The following TPTE variants were observed in gnomAD, a reference collection of about 807,000 sequenced individuals.
TPTE encodes the protein putative tyrosine-protein phosphatase TPTE.
A neutral mutation model predicts 84.1 loss-of-function variants in TPTE; 59 were observed. That is an observed-to-expected ratio of 0.70 (90% confidence interval 0.57 to 0.87). The LOEUF (loss-of-function observed/expected upper bound fraction) is 0.87, where lower values mean the gene tolerates loss of function less well. Among genes scored for constraint, TPTE ranks in the 40% least tolerant of loss-of-function variants. TPTE has a pLI of 0.00. For missense variants in TPTE, 382 were observed against 659.6 expected, an observed-to-expected ratio of 0.58 and a Z score of 4.61; for synonymous variants, 130 against 223.5, an observed-to-expected ratio of 0.58 and a Z score of 3.73.
intron 7 of TPTE, among the ~76,000 whole-genome samples, chr21:10,545,899 AAT>A (rs1363638841): frequency 3.3e-5 from 5 of 151,948 alleles, no homozygotes; most frequent in African/African-American, 9.6e-5. Flanking sequence ...TATATCCTTT[AAT>A]ATATATATGA....
chr21:10,603,750 T>C, intron 23 of TPTE, 118 bp downstream of exon 23: 8 of 1,284,950 alleles, frequency 6.2e-6, no homozygotes, highest in Non-Finnish European at 8.8e-6. Context: ...CAAAAAATCC[T>C]TGAACCACCA....
intron 20 of TPTE, among the ~76,000 whole-genome samples, chr21:10,597,143 A>T (rs2075603076): frequency 6.6e-6 from 1 of 152,312 alleles, no homozygotes; most frequent in Non-Finnish European, 1.5e-5. Context: ...AGGAAATGCT[A>T]AGGGAAGTGG....
intron 3 of TPTE, among the ~76,000 whole-genome samples, chr21:10,537,986 G>T (rs1307391845): frequency 6.6e-6 from 1 of 152,298 alleles, no homozygotes; most frequent in Non-Finnish European, 1.5e-5. Flanking sequence ...AAAGAAGAAT[G>T]ATTTTTCTTA....
chr21:10,536,563 AAC>A (rs1471709661), intron 3 of TPTE, among the ~76,000 whole-genome samples: 5 of 152,308 alleles, frequency 3.3e-5, no homozygotes, highest in Non-Finnish European at 5.9e-5. Flanking sequence ...TAGACACACA[AAC>A]ACAGGGAGAG....
rs2075230658 is a variant in TPTE at position 10,579,404 on chromosome 21, CGCTTGAACCTG to C, written c.1027+801_1027+811del. On this transcript the variant is annotated intron_variant, in intron 17 of 23. Transcript: ENST00000618007. ...ACTCGGAAGGCTGAGGCAGAAGAAT[CGCTTGAACCTG>C]GGAGGCAGAGGTTGCGGTGAGCTGA... 3.3e-5 allele frequency among the ~76,000 whole-genome samples: 5 copies of C among 152,396 alleles called. No individual in the cohort carries two copies. The South Asian group carries it at 1.0e-3, about 32-fold the overall frequency.
At chr21:10,563,421 G>C (rs1600907864) in intron 10 of TPTE, among the ~76,000 whole-genome samples, 1 of 152,304 alleles carries the variant, frequency 6.6e-6, no homozygotes, top group African/African-American at 2.4e-5. Context: ...ACTAAACTAT[G>C]AGCCAATGAA....
intron 22 of TPTE, chr21:10,602,784 G>C: frequency 1.9e-6 from 1 of 518,056 alleles, no homozygotes; most frequent in Admixed American, 1.9e-5. Flanking sequence ...AGAAGGGGGA[G>C]CCATCCAGGA....
chr21:10,546,826 G>A (rs1269681234), intron 7 of TPTE, among the ~76,000 whole-genome samples: 1 of 152,310 alleles, frequency 6.6e-6, no homozygotes, highest in African/African-American at 2.4e-5. Context: ...TAAAAGGTTT[G>A]TTCATGAGGT....
chr21:10,562,203 A>T lies in TPTE; in HGVS notation c.446+1012A>T, dbSNP rs570286315. 3.3e-5 allele frequency among the ~76,000 whole-genome samples: 5 copies of T among 152,428 alleles called. No individual in the cohort carries two copies. The East Asian group carries it at 9.6e-4, about 29-fold the overall frequency. On this transcript the variant is annotated intron_variant, in intron 10 of 23. Transcript: ENST00000618007. ...AGGCTTGGGGTGCCCCCTAAAGCAGATAGAGATTAGATCACAGTATCCAAG... is the reference window on the plus strand; with the variant it reads ...AGGCTTGGGGTGCCCCCTAAAGCAGTTAGAGATTAGATCACAGTATCCAAG...
At chr21:10,562,756 C>T (rs1383153593) in intron 10 of TPTE, among the ~76,000 whole-genome samples, 1 of 152,304 alleles carries the variant, frequency 6.6e-6, no homozygotes, top group Non-Finnish European at 1.5e-5. Context: ...CGACGCCTGC[C>T]TACAGGATCT....
chr21:10,584,508 T>C (rs1438143010), intron 17 of TPTE, among the ~76,000 whole-genome samples: 1 of 152,304 alleles, frequency 6.6e-6, no homozygotes, highest in African/African-American at 2.4e-5. Context: ...TAGCTAATTT[T>C]TTCATTTTTT....
intron 14 of TPTE, among the ~76,000 whole-genome samples, chr21:10,571,596 A>C (rs1162512254): frequency 1.3e-5 from 2 of 152,312 alleles, no homozygotes; most frequent in African/African-American, 2.4e-5. Context: ...TCAGATAGAC[A>C]AATCAATGAA....
At chr21:10,560,841 T>G (rs1303085603) in intron 9 of TPTE, among the ~76,000 whole-genome samples, 189 bp from the exon 10 acceptor site, 4 of 152,430 alleles carry the variant, frequency 2.6e-5, no homozygotes, top group South Asian at 2.1e-4. Flanking sequence ...AAGAACTGCT[T>G]CTATTGGGTG....
chr21:10,545,383 G>GACAT (rs1417061128), intron 7 of TPTE, among the ~76,000 whole-genome samples: 2 of 152,310 alleles, frequency 1.3e-5, no homozygotes, highest in Non-Finnish European at 2.9e-5. Context: ...CCAAATCATT[G>GACAT]ACATACACAT....
chr21:10,574,427 C>T (rs1210474186), intron 14 of TPTE, among the ~76,000 whole-genome samples: 1 of 152,306 alleles, frequency 6.6e-6, no homozygotes, highest in Non-Finnish European at 1.5e-5. Context: ...ATTATTTTAT[C>T]AAGAAACTAG....
At chr21:10,565,012 A>T (rs2074891388) in intron 10 of TPTE, among the ~76,000 whole-genome samples, 1 of 152,312 alleles carries the variant, frequency 6.6e-6, no homozygotes, top group Non-Finnish European at 1.5e-5. Flanking sequence ...GCCATTATGG[A>T]AGAGAAAGAA....
At chr21:10,603,070 G>A (rs1238486288) in intron 22 of TPTE, among the ~76,000 whole-genome samples, 53 of 152,294 alleles carry the variant, frequency 3.5e-4, no homozygotes, top group Non-Finnish European at 5.6e-4. Flanking sequence ...AGAAGGTTGT[G>A]TAAGGCAGAT....
chr21:10,579,340 A>C (rs1324543266), intron 17 of TPTE, among the ~76,000 whole-genome samples: 1 of 152,308 alleles, frequency 6.6e-6, no homozygotes, highest in African/African-American at 2.4e-5. Context: ...ATTACAAAAC[A>C]TTAGCCAGGT....
chr21:10,521,920 C>G (rs958009774), intron 1 of TPTE, among the ~76,000 whole-genome samples: 2 of 151,558 alleles, frequency 1.3e-5, no homozygotes, highest in African/African-American at 4.8e-5. Flanking sequence ...CTCCCTCCCT[C>G]CGCCCTCCCC....
Sources: allele counts gnomAD v4.1 joint callset (sites outside exome capture counted in the v4.1 genomes callset), GRCh38; gene constraint gnomAD v4.1.1; transcripts MANE v1.5; gene names NCBI Gene and HGNC (gene_info 2026-07-23, HGNC 2026-07-21).